Variants in TMEM132D observed in about 807,000 individuals in gnomAD.
TMEM132D encodes mature OL transmembrane protein.
In TMEM132D, 21 loss-of-function variants were observed where a neutral mutation model predicts 62.3. The observed-to-expected ratio is 0.34, with a 90% CI of 0.24 to 0.49. The LOEUF is 0.49. Ranked by LOEUF, TMEM132D falls within the 20% of genes least tolerant of loss-of-function variation. The pLI is 0.99. For missense variants in TMEM132D, 1,346 were observed against 1,402.8 expected (o/e 0.96, Z 0.65); for synonymous variants, 621 against 575.6 (o/e 1.08, Z -1.13).
intron 4 of TMEM132D, among the ~76,000 whole-genome samples, chr12:129,325,674 G>A (rs942445159): frequency 6.6e-6 from 1 of 152,182 alleles, no homozygotes; most frequent in African/African-American, 2.4e-5. Context: ...TTGCTGACAA[G>A]ATTTTAGATG....
At chr12:129,078,504 C>G (rs2135610834) in intron 8 of TMEM132D, 30 bp downstream of exon 8, 1 of 1,601,692 alleles carries the variant, frequency 6.2e-7, no homozygotes, top group South Asian at 1.1e-5. Flanking sequence ...AGGGACCCTG[C>G]TGAAGTGTGT....
intron 3 of TMEM132D, among the ~76,000 whole-genome samples, chr12:129,376,523 A>G (rs1212659748): frequency 6.6e-6 from 1 of 152,152 alleles, no homozygotes; most frequent in Non-Finnish European, 1.5e-5. Context: ...ATTATGGGAG[A>G]CACAATTCAA....
At position 129,186,533 on chromosome 12, in the gene TMEM132D, G is replaced by T. The variant is rs571317335; in HGVS notation, c.1443+22987C>A. Among the ~76,000 whole-genome samples the T allele has an allele frequency of 6.6e-5, 10 of 152,100 alleles. No individual in the cohort carries two copies. The South Asian group carries it at 2.1e-3, about 32-fold the overall frequency. On this transcript the variant is annotated intron_variant, in intron 5 of 8. Transcript: ENST00000422113. ...CCCTTTCCTGGCTTTTCCTTCCTTT[G>T]CCTCCTGGGTCATCAAGCGCTCTGC...
chr12:129,261,836 T>C (rs1369747378), intron 4 of TMEM132D, among the ~76,000 whole-genome samples: 1 of 152,182 alleles, frequency 6.6e-6, no homozygotes, highest in Admixed American at 6.5e-5. Context: ...CTCATTAAAG[T>C]CCCTATGTCC....
intron 5 of TMEM132D, among the ~76,000 whole-genome samples, chr12:129,122,795 T>C (rs1876105167): frequency 6.6e-6 from 1 of 152,246 alleles, no homozygotes; most frequent in Admixed American, 6.5e-5. Context: ...TTTATCAGAA[T>C]TTCTGAGTTT....
chr12:129,863,677 C>A lies in TMEM132D; in HGVS notation c.79+39584G>T, dbSNP rs368687440. On this transcript the variant is annotated intron_variant, in intron 1 of 8. Transcript: ENST00000422113. ...TTGGGATTGGGGTAAAATCAGCTGT[C>A]CTCCCCAGAAAAGAAGCAAGATTTC... 6.4e-4 allele frequency among the ~76,000 whole-genome samples: 98 copies of A among 152,248 alleles called. 3 individuals carry two copies. The South Asian group carries it at 0.019, about 29-fold the overall frequency.
intron 4 of TMEM132D, among the ~76,000 whole-genome samples, chr12:129,215,929 A>C (rs1349644085): frequency 3.9e-5 from 6 of 152,196 alleles, no homozygotes; most frequent in African/African-American, 1.2e-4. Context: ...ACTCACTACC[A>C]TGAGAACAGT....
chr12:129,610,392 T>A lies in TMEM132D; in HGVS notation c.969-79187A>T, dbSNP rs73157242. On this transcript the variant is annotated intron_variant, in intron 2 of 8. Coordinates refer to ENST00000422113, the MANE Select transcript of TMEM132D (RefSeq NM_133448.3). The stretch of plus-strand genomic sequence containing the variant: ...CTATCTTAAACCCTGTACCCCAATC[T>A]CCCTAAATAGCTTCAACAACTATAT... Among the ~76,000 whole-genome samples the A allele has an allele frequency of 4.6e-3, 704 of 152,224 alleles. 3 individuals carry two copies. Among genetic ancestry groups the A allele is most frequent in the Admixed American group, 7.8e-3 (120 of 15,302 alleles).
chr12:129,381,356 A>C (rs1838845363), intron 3 of TMEM132D, among the ~76,000 whole-genome samples: 1 of 152,214 alleles, frequency 6.6e-6, no homozygotes, highest in African/African-American at 2.4e-5. Context: ...ATGACTGATG[A>C]AAGGATTATC....
rs551776899 is a variant in TMEM132D, at chr12:129,799,731, G to A, written c.80-99033C>T. ...TGCTGTAAAGGAATCTACAGGCTTTGGTACTGGGGAGTAGCAGGAAAACTG... is the reference window on the plus strand; with the variant it reads ...TGCTGTAAAGGAATCTACAGGCTTTAGTACTGGGGAGTAGCAGGAAAACTG... On this transcript the variant is annotated intron_variant, in intron 1 of 8. Transcript: ENST00000422113. Among the ~76,000 whole-genome samples the A allele has an allele frequency of 1.4e-4, 21 of 152,266 alleles. No homozygotes were observed. The South Asian group carries it at 4.4e-3, about 32-fold the overall frequency.
intron 3 of TMEM132D, among the ~76,000 whole-genome samples, chr12:129,499,689 C>G (rs1875067633): frequency 1.3e-5 from 2 of 152,126 alleles, no homozygotes; most frequent in Admixed American, 1.3e-4. Flanking sequence ...TGTTCTGGGA[C>G]AGTGGAAACA....
chr12:129,268,435 T>G (rs1274193288), intron 4 of TMEM132D, among the ~76,000 whole-genome samples: 3 of 152,084 alleles, frequency 2.0e-5, no homozygotes, highest in Non-Finnish European at 4.4e-5. Flanking sequence ...CATGAAAAAA[T>G]GCTCATGATC....
intron 4 of TMEM132D, among the ~76,000 whole-genome samples, chr12:129,242,345 C>T (rs1229606954): frequency 5.9e-5 from 9 of 152,178 alleles, no homozygotes. Context: ...AGAATGCAGG[C>T]ATATGGATAG....
chr12:129,114,511 A>G lies in TMEM132D; in HGVS notation c.1444-29809T>C, dbSNP rs1313085813. On this transcript the variant is annotated intron_variant, in intron 5 of 8. Transcript: ENST00000422113. ...TTTTATTACTGTAAAAAAACTTTTA[A>G]TTTATCCTTATTTAACTTTTTATCG... 2.7e-5 allele frequency among the ~76,000 whole-genome samples: 4 copies of G among 150,544 alleles called. No individual in the cohort carries two copies. In the South Asian group the frequency reaches 6.3e-4, roughly 24 times the overall value.
rs1304233263 is a variant in TMEM132D, at chr12:129,088,650, T to C, written c.1444-3948A>G. 8.5e-5 allele frequency among the ~76,000 whole-genome samples: 5 copies of C among 58,808 alleles called. 1 individual carries two copies. Among genetic ancestry groups the C allele is most frequent in the East Asian group, 1.1e-3 (1 of 938 alleles). 38.6% of individuals were successfully genotyped at this position (58,808 alleles called of 152,430 possible). On this transcript the variant is annotated intron_variant, in intron 5 of 8. Transcript: ENST00000422113. Reference sequence around the variant, plus strand: ...GGTGTCCTCCATGACCGGGATGTCCTCCATGACCGGGTGTCCTCCCTGACC... The same window carrying C: ...GGTGTCCTCCATGACCGGGATGTCCCCCATGACCGGGTGTCCTCCCTGACC...
intron 2 of TMEM132D, among the ~76,000 whole-genome samples, chr12:129,572,624 T>C (rs2137120517): frequency 6.6e-6 from 1 of 152,232 alleles, no homozygotes; most frequent in African/African-American, 2.4e-5. Flanking sequence ...TAATTTTGTA[T>C]TTCTAGTAGA....
chr12:129,876,221 CA>C (rs1874413211), intron 1 of TMEM132D, among the ~76,000 whole-genome samples: 1 of 152,180 alleles, frequency 6.6e-6, no homozygotes, highest in South Asian at 2.1e-4. Context: ...ATGTTATTTC[CA>C]TTCCAAATCC....
intron 1 of TMEM132D, among the ~76,000 whole-genome samples, chr12:129,803,709 G>T (rs370562815): frequency 7.9e-5 from 12 of 151,668 alleles, no homozygotes; most frequent in African/African-American, 2.2e-4. Flanking sequence ...CTGAAGGAAA[G>T]AGAGACACAA....
chr12:129,664,239 C>T (rs974780314), intron 2 of TMEM132D, among the ~76,000 whole-genome samples: 1 of 152,150 alleles, frequency 6.6e-6, no homozygotes, highest in African/African-American at 2.4e-5. Flanking sequence ...CCCAAGCCTA[C>T]AGCTCAGGCC....
Sources: gnomAD v4.1 joint callset for allele counts (sites outside exome capture counted in the v4.1 genomes callset) on GRCh38, gnomAD v4.1.1 for gene constraint, MANE v1.5 for transcripts, NCBI Gene and HGNC (gene_info 2026-07-23, HGNC 2026-07-21) for gene names.